NKAIN3: variants seen among roughly 807,000 people sequenced by gnomAD.
The protein encoded by NKAIN3 is sodium/potassium-transporting ATPase subunit beta-1-interacting protein 3.
In NKAIN3, 25 loss-of-function variants were observed where a neutral mutation model predicts 30.2. That is an observed-to-expected ratio of 0.83 (90% confidence interval 0.60 to 1.16). The LOEUF (loss-of-function observed/expected upper bound fraction) is 1.16. NKAIN3 is among the 50% of genes most tolerant of loss of function. The pLI, the probability that NKAIN3 is intolerant of heterozygous loss-of-function variation, is 0.00. For missense variants in NKAIN3, 225 were observed against 254.1 expected (o/e 0.89, Z 0.78); for synonymous variants, 91 against 89.6 (o/e 1.02, Z -0.09).
At chr8:62,865,047 C>T (rs1400662187) in intron 4 of NKAIN3, among the ~76,000 whole-genome samples, 1 of 152,076 alleles carries the variant, frequency 6.6e-6, no homozygotes, top group Non-Finnish European at 1.5e-5. Flanking sequence ...TGGGGAGAGT[C>T]CGGTTTACTG....
chr8:62,960,183 G>C lies in NKAIN3; in HGVS notation c.604-5171G>C, dbSNP rs535015104. Among the ~76,000 whole-genome samples the C allele has an allele frequency of 2.6e-5, 4 of 152,232 alleles. No individual in the cohort carries two copies. The South Asian group carries it at 8.3e-4, about 32-fold the overall frequency. The stretch of plus-strand genomic sequence containing the variant: ...AGTGCACCTCTGTTTTTATTAGGAC[G>C]GAATGATGCCAAGAGTGCAACTGGC... On this transcript the variant is annotated intron_variant, in intron 6 of 6. Coordinates refer to ENST00000623646, the MANE Select transcript of NKAIN3 (RefSeq NM_001304533.3).
intron 4 of NKAIN3, among the ~76,000 whole-genome samples, chr8:62,840,400 G>T (rs1253417702): frequency 4.3e-5 from 6 of 140,778 alleles, no homozygotes; most frequent in African/African-American, 1.1e-4. Context: ...TTTTGAGCTT[G>T]ATTTATTTAA....
intron 4 of NKAIN3, among the ~76,000 whole-genome samples, chr8:62,845,259 G>T (rs1819643560): frequency 8.3e-6 from 1 of 120,650 alleles, no homozygotes; most frequent in African/African-American, 3.1e-5. Context: ...TCATAATGTA[G>T]ATTCATTGAC....
At chr8:62,320,629 A>G (rs1255094572) in intron 1 of NKAIN3, among the ~76,000 whole-genome samples, 2 of 152,114 alleles carry the variant, frequency 1.3e-5, no homozygotes, top group African/African-American at 4.8e-5. Context: ...TGGATTGAAA[A>G]TTCTTTTCTT....
chr8:62,871,977 A>G (rs1430528207), intron 4 of NKAIN3, among the ~76,000 whole-genome samples: 1 of 152,260 alleles, frequency 6.6e-6, no homozygotes. Context: ...GTTAATGACA[A>G]ACCACATATA....
chr8:62,803,129 C>G (rs551475427), intron 4 of NKAIN3, among the ~76,000 whole-genome samples: 2 of 152,072 alleles, frequency 1.3e-5, no homozygotes, highest in African/African-American at 2.4e-5. Flanking sequence ...CCTGAGTGAC[C>G]TACAAAGAGA....
intron 4 of NKAIN3, among the ~76,000 whole-genome samples, chr8:62,756,447 A>C (rs1471511): frequency 0.19 from 29,571 of 152,026 alleles, 3,287 homozygotes; most frequent in African/African-American, 0.29. Context: ...ATTTACTCTT[A>C]ATATCTCTGC....
intron 1 of NKAIN3, among the ~76,000 whole-genome samples, chr8:62,341,017 A>C (rs1023882514): frequency 2.0e-5 from 3 of 152,072 alleles, no homozygotes; most frequent in Admixed American, 2.0e-4. Context: ...TTATTTTTCC[A>C]GAAATTTTAA....
chr8:62,546,549 C>T (rs1337631151), intron 1 of NKAIN3, among the ~76,000 whole-genome samples: 2 of 152,190 alleles, frequency 1.3e-5, no homozygotes, highest in African/African-American at 4.8e-5. Flanking sequence ...GCAGTAATTA[C>T]TTCTCCCAGG....
intron 1 of NKAIN3, among the ~76,000 whole-genome samples, chr8:62,437,764 T>G (rs1805212386): frequency 6.6e-6 from 1 of 152,170 alleles, no homozygotes; most frequent in South Asian, 2.1e-4. Context: ...GGTAAATATA[T>G]GATGATCCTT....
chr8:62,965,631 A>AG lies in NKAIN3; in HGVS notation c.*224_*225insG, dbSNP rs1554597478. 6.1e-6 allele frequency: 6 copies of AG among 977,826 alleles called. No homozygotes were observed. The highest frequency in any genetic ancestry group is 5.2e-4 in the Middle Eastern group (1 of 1,920). The allele number at this position is 977,826 out of a possible 1,614,324, so 60.6% of individuals were successfully genotyped here. On this transcript the variant is annotated 3_prime_UTR_variant, in exon 7 of 7. Coordinates refer to ENST00000623646, the MANE Select transcript of NKAIN3 (RefSeq NM_001304533.3). ...ACACTTGTAAGTTGTAAAAAAAAAA[A>AG]AAAAAGAAAAAACAGAATTTGGTTT...
At chr8:62,888,591 G>C (rs527633614) in intron 4 of NKAIN3, among the ~76,000 whole-genome samples, 28 of 152,326 alleles carry the variant, frequency 1.8e-4, no homozygotes, top group Middle Eastern at 3.4e-3. Context: ...TCTAAGAAGA[G>C]TTGTTGATTT....
chr8:62,985,380 A>G (rs186960172), downstream of NKAIN3, among the ~76,000 whole-genome samples: 1 of 152,346 alleles, frequency 6.6e-6, no homozygotes, highest in East Asian at 1.9e-4. Context: ...GGTACCAATG[A>G]GTCCAGAGAC....
intron 1 of NKAIN3, among the ~76,000 whole-genome samples, chr8:62,429,966 G>A (rs764744132): frequency 1.3e-5 from 2 of 151,780 alleles, no homozygotes; most frequent in Non-Finnish European, 2.9e-5. Flanking sequence ...TTGTAAAACT[G>A]AAACAGTATA....
chr8:62,795,674 G>C (rs746975417), intron 4 of NKAIN3, among the ~76,000 whole-genome samples: 1 of 151,992 alleles, frequency 6.6e-6, no homozygotes, highest in Non-Finnish European at 1.5e-5. Flanking sequence ...AATTTAATTA[G>C]ATAACATAGG....
In NKAIN3 at chr8:62,621,647, T is replaced by G. The variant is rs148127626; in HGVS notation, c.273+31853T>G. 1.1e-3 allele frequency among the ~76,000 whole-genome samples: 164 copies of G among 152,256 alleles called. 2 individuals are homozygous for G. The East Asian group carries it at 0.027, about 25-fold the overall frequency. On this transcript the variant is annotated intron_variant, in intron 3 of 6. Transcript: ENST00000623646. ...ACTTTGAGATTATTGTAAATTCACATGCAGTTGCATGAAATAATACAGAAG... is the reference window on the plus strand; with the variant it reads ...ACTTTGAGATTATTGTAAATTCACAGGCAGTTGCATGAAATAATACAGAAG...
intron 4 of NKAIN3, among the ~76,000 whole-genome samples, chr8:62,847,081 C>T (rs953717253): frequency 2.6e-5 from 4 of 152,074 alleles, no homozygotes; most frequent in African/African-American, 9.7e-5. Flanking sequence ...GCAACACAAC[C>T]AAACCATCTC....
At chr8:62,952,587 G>A (rs1823314279) in intron 5 of NKAIN3, among the ~76,000 whole-genome samples, 1 of 152,094 alleles carries the variant, frequency 6.6e-6, no homozygotes, top group African/African-American at 2.4e-5. Context: ...TTCTTACAAT[G>A]TCTGTGAGTA....
rs189819385 is a variant in NKAIN3 at position 62,975,753 on chromosome 8, G to A, written c.*10346G>A. 1.8e-4 allele frequency among the ~76,000 whole-genome samples: 28 copies of A among 152,182 alleles called. No individual in the cohort carries two copies. The highest frequency in any genetic ancestry group is 1.2e-3 in the Admixed American group (19 of 15,272). On this transcript the variant is annotated 3_prime_UTR_variant, in exon 7 of 7. Coordinates refer to ENST00000623646, the MANE Select transcript of NKAIN3 (RefSeq NM_001304533.3). ...TAATTCTTTTAATTGTGATGTTAGC[G>A]TGTTGATTGTAGATGTTTAGATTTT...
Sources: allele counts gnomAD v4.1 joint callset (sites outside exome capture counted in the v4.1 genomes callset), GRCh38; gene constraint gnomAD v4.1.1; transcripts MANE v1.5; gene names NCBI Gene and HGNC (gene_info 2026-07-23, HGNC 2026-07-21).